TRPV6: variants seen among roughly 807,000 people sequenced by gnomAD.
The protein encoded by TRPV6 is transient receptor potential cation channel subfamily V member 6.
In TRPV6, 39 loss-of-function variants were observed where a neutral mutation model predicts 79.0. The observed-to-expected ratio is 0.49, with a 90% CI of 0.38 to 0.64. The LOEUF is 0.64. TRPV6 is among the 30% of genes least tolerant of loss of function. The probability of loss-of-function intolerance (pLI) is 0.00; values close to 1 mark genes in which losing one functional copy is unlikely to be tolerated. For missense variants in TRPV6, 813 were observed against 1,011.1 expected (o/e 0.80, Z 2.66); for synonymous variants, 373 against 391.9 (o/e 0.95, Z 0.57).
chr7:142,879,666 C>T (rs1795154801), intron 1 of TRPV6: 1 of 152,292 alleles, frequency 6.6e-6, no homozygotes, highest in Non-Finnish European at 1.5e-5. Flanking sequence ...GCCACCAGGT[C>T]CTGTCAGTTC....
At position 142,885,483 on chromosome 7, in the gene TRPV6, T is replaced by A; in HGVS notation, c.154A>T (p.Ile52Phe). 1 of 1,613,822 alleles carries A rather than the reference T, an allele frequency of 6.2e-7. No individual in the cohort carries two copies. The highest frequency in any genetic ancestry group is 1.1e-5 in the South Asian group (1 of 91,040). The change falls in exon 1 of 15, where the codon ATT becomes TTT. Residue 52 changes from isoleucine to phenylalanine, a missense_variant. Coordinates refer to ENST00000359396, the MANE Select transcript of TRPV6 (RefSeq NM_018646.6). ...CAGAACTTGCTCCATAGGCAGAGAATTAGCCCTTTCTCCTTGGGCAGTGAC... is the reference window on the plus strand; with the variant it reads ...CAGAACTTGCTCCATAGGCAGAGAAATAGCCCTTTCTCCTTGGGCAGTGAC...
intron 8 of TRPV6, 106 bp downstream of exon 8, chr7:142,875,362 A>C: frequency 7.5e-7 from 1 of 1,333,224 alleles, no homozygotes; most frequent in Non-Finnish European, 1.0e-6. Flanking sequence ...CATATATTTG[A>C]GATTAGAGCA....
chr7:142,872,012 A>C, intron 14 of TRPV6, 23 bp from the exon 15 acceptor site: 2 of 1,559,032 alleles, frequency 1.3e-6, no homozygotes, highest in Non-Finnish European at 1.7e-6. Flanking sequence ...GGAGGACTTG[A>C]GACACAGCCA....
Position 142,873,601 on chromosome 7 carries a change from G to A in TRPV6, c.1755C>T (p.Ala585=). 1 of 1,614,226 alleles carries A rather than the reference G, an allele frequency of 6.2e-7. No individual in the cohort carries two copies. The highest frequency in any genetic ancestry group is 8.5e-7 in the Non-Finnish European group (1 of 1,180,040). The change falls in exon 13 of 15, where the codon GCC becomes GCT. Residue 585 remains alanine, a synonymous_variant. Transcript: ENST00000359396. The surrounding 1 kb of genome is among the most constrained non-coding windows in gnomAD (Gnocchi z 4.8). ...TGAAGGGCAGGTCCACGTTGTAGTT[G>A]GCTGGGCCATCGATGATGGTAAGGA...
rs149551206 is a variant in TRPV6 at position 142,876,525 on chromosome 7, C to T, written c.765G>A (p.Met255Ile). ...TGTCGTAGGACAGCAACAGGTTGTA[C>T]ATCTGGCAGGCAAAGGTTTTGTTGG... The change falls in exon 6 of 15, where the codon ATG (methionine) becomes ATA (isoleucine). Residue 255 changes from methionine to isoleucine, a missense_variant. Transcript: ENST00000359396. 3.7e-6 allele frequency: 6 copies of T among 1,614,060 alleles called. No individual in the cohort carries two copies. Among genetic ancestry groups the T allele is most frequent in the African/African-American group, 1.3e-5 (1 of 74,898 alleles).
rs140558690 is a variant in TRPV6, at chr7:142,876,449, G to T, written c.841C>A (p.Leu281Ile). 1 of 1,614,072 alleles carries T rather than the reference G, an allele frequency of 6.2e-7. No individual in the cohort carries two copies. Among genetic ancestry groups the T allele is most frequent in the Non-Finnish European group, 8.5e-7 (1 of 1,180,032 alleles). ...ACTCCAGCCAGCTTGAAAGGGGTGA[G>T]ACCCTGGTGATTGGGCACGAGGTCC... Residue 281 changes from leucine (L) to isoleucine (I), a missense_variant, in exon 6 of 15, where the codon CTC (leucine) becomes ATC (isoleucine). Physicochemically the swap from Leu to Ile is conservative, Grantham distance 5. Coordinates refer to ENST00000359396, the MANE Select transcript of TRPV6 (RefSeq NM_018646.6).
rs753833631 is a variant in TRPV6, at chr7:142,872,373, G to A, written c.2014C>T (p.Arg672Trp). The stretch of plus-strand genomic sequence containing the variant: ...CACCTACCCCCGCATATCACTCACC[G>A]CAGGAACCAGCGGTCTCCCAGGCCA... Residue 672 changes from arginine to tryptophan, a missense_variant and splice_region_variant, in exon 14 of 15, where the codon CGG (arginine) becomes TGG (tryptophan). Arg to Trp is a moderately radical substitution (Grantham distance 101). This residue lies in a region of TRPV6 where 164 missense variants were observed against 186.1 expected (regional missense o/e 0.88). Coordinates refer to ENST00000359396, the MANE Select transcript of TRPV6 (RefSeq NM_018646.6). 16 of 1,614,096 alleles carry A rather than the reference G, an allele frequency of 9.9e-6. No individual in the cohort carries two copies. Among genetic ancestry groups the A allele is most frequent in the East Asian group, 2.2e-5 (1 of 44,882 alleles).
chr7:142,885,502 C>T lies in TRPV6; in HGVS notation c.135G>A (p.Leu45=). The T allele has an allele frequency of 1.9e-6, 3 of 1,612,546 alleles. No individual in the cohort carries two copies. Among genetic ancestry groups the T allele is most frequent in the Non-Finnish European group, 2.5e-6 (3 of 1,179,144 alleles). ...AGAGAATTAGCCCTTTCTCCTTGGG[C>T]AGTGACAAACCCATGGGGTGTAGGG... is the stretch of plus-strand genomic sequence containing the variant. Residue 45 remains leucine (L), a synonymous_variant, in exon 1 of 15, where the codon CTG becomes CTA. Coordinates refer to ENST00000359396, the MANE Select transcript of TRPV6 (RefSeq NM_018646.6).
Position 142,877,217 on chromosome 7 carries a change from C to G in TRPV6, c.532G>C (p.Ala178Pro). The G allele has an allele frequency of 6.2e-7, 1 of 1,614,222 alleles. No individual in the cohort carries two copies. The highest frequency in any genetic ancestry group is 8.5e-7 in the Non-Finnish European group (1 of 1,180,022). Reference sequence around the variant, plus strand: ...CTGGCAGAGACACTGGCCCTGCGGGCAAGCAGGGCTCGCACCAGGTTCATG... The same window carrying G: ...CTGGCAGAGACACTGGCCCTGCGGGGAAGCAGGGCTCGCACCAGGTTCATG... Residue 178 changes from alanine to proline, a missense_variant, in exon 4 of 15, where the codon GCC (alanine) becomes CCC (proline). Physicochemically the swap from Ala to Pro is conservative, Grantham distance 27. Transcript: ENST00000359396.
At chr7:142,880,079 G>C (rs1795162045) in intron 1 of TRPV6, 1 of 152,256 alleles carries the variant, frequency 6.6e-6, no homozygotes, top group African/African-American at 2.4e-5. Flanking sequence ...GCCAAAAGGT[G>C]GTTTGAATTA....
rs755916513 is a variant in TRPV6, at chr7:142,874,616, G to A, written c.1447C>T (p.Arg483Trp). The A allele has an allele frequency of 7.4e-6, 12 of 1,613,908 alleles. No homozygotes were observed. The highest frequency in any genetic ancestry group is 2.7e-5 in the African/African-American group (2 of 74,900). ...ACCTCCCCGCTGGCACTGATGAGCC[G>A]CATCACCATGGTCACCAGCACCATG... The change falls in exon 11 of 15, where the codon CGG becomes TGG. Residue 483 changes from arginine to tryptophan, a missense_variant. By Grantham distance (101) the Arg-to-Trp change is moderately radical. This residue lies in a region of TRPV6 where 555 missense variants were observed against 631.0 expected (regional missense o/e 0.88). Coordinates refer to ENST00000359396, the MANE Select transcript of TRPV6 (RefSeq NM_018646.6).
At position 142,885,595 on chromosome 7, in the gene TRPV6, C is replaced by A. The variant is rs574517185; in HGVS notation, c.42G>T (p.Gly14=). ...GACTCAGCCTTGGGGCCACATCAGC[C>A]CCCCCAAGGGCCGGCCCACCGTCTC... The change falls in exon 1 of 15, where the codon GGG becomes GGT. Residue 14 remains glycine, a synonymous_variant. Coordinates refer to ENST00000359396, the MANE Select transcript of TRPV6 (RefSeq NM_018646.6). The A allele has an allele frequency of 4.7e-5, 70 of 1,495,150 alleles. No homozygotes were observed. Among genetic ancestry groups the A allele is most frequent in the South Asian group, 5.5e-5 (4 of 72,812 alleles). The allele number at this position is 1,495,150 out of a possible 1,614,324, so 92.6% of individuals were successfully genotyped here.
rs954320866 is a variant in TRPV6 at position 142,873,999 on chromosome 7, G to A, written c.1639+77C>T. The A allele has an allele frequency of 5.9e-5, 90 of 1,512,828 alleles. No individual in the cohort carries two copies. Among genetic ancestry groups the A allele is most frequent in the Non-Finnish European group, 7.9e-5 (87 of 1,102,682 alleles). 93.7% of individuals were successfully genotyped at this position (1,512,828 alleles called of 1,614,324 possible). The stretch of plus-strand genomic sequence containing the variant: ...TCTCTGCATTACTCCTCCTCCCCAA[G>A]TTTAGCCAGAGCCAGTGCCCCCTAG... On this transcript the variant is annotated intron_variant, in intron 12 of 14. Transcript: ENST00000359396. This position sits in a 1 kb window ranked among gnomAD's most constrained non-coding sequence, Gnocchi z 4.8.
intron 11 of TRPV6, 77 bp downstream of exon 11, chr7:142,874,414 T>C (rs1352734915): frequency 1.3e-6 from 2 of 1,561,264 alleles, no homozygotes; most frequent in Non-Finnish European, 1.8e-6. Context: ...CAATGTCTAC[T>C]GTTCTGCCCT....
Position 142,885,593 on chromosome 7 carries a change from G to GC in TRPV6, c.43dup (p.Ala15GlyfsTer2), listed in dbSNP as rs1795289985. ...GGGACTCAGCCTTGGGGCCACATCA[G>GC]CCCCCCCAAGGGCCGGCCCACCGTC... On this transcript the variant is annotated frameshift_variant, in exon 1 of 15. Transcript: ENST00000359396. LOFTEE classifies it high-confidence loss of function. 1.1e-5 allele frequency: 17 copies of GC among 1,495,394 alleles called. No homozygotes were observed. The highest frequency in any genetic ancestry group is 6.9e-5 in the Admixed American group (3 of 43,744). The allele number at this position is 1,495,394 out of a possible 1,614,324, so 92.6% of individuals were successfully genotyped here.
In TRPV6 at chr7:142,875,857, A is replaced by G. The variant is rs771219130; in HGVS notation, c.930T>C (p.Tyr310=). The G allele has an allele frequency of 1.9e-6, 3 of 1,607,864 alleles. No homozygotes were observed. Among genetic ancestry groups the G allele is most frequent in the African/African-American group, 1.3e-5 (1 of 74,656 alleles). The change falls in exon 7 of 15, where the codon TAT becomes TAC. Residue 310 remains tyrosine, a synonymous_variant. Transcript: ENST00000359396. ...CATAGAGAGTCGAGGTCAGTGGTCC[A>G]TACGTCCACTGGGTGTGCTTCCGCT...
In TRPV6 at chr7:142,875,677, G is replaced by A. The variant is rs775866936; in HGVS notation, c.1033C>T (p.Arg345Cys). ...ACCGGCGTCTGGTCCAGGATCTGGC[G>A]AGCCTGCAACAGAAAGAGAACAGGT... The change falls in exon 8 of 15, where the codon CGC becomes TGC. Residue 345 changes from arginine to cysteine, a missense_variant. Arg to Cys is a radical substitution (Grantham distance 180). Coordinates refer to ENST00000359396, the MANE Select transcript of TRPV6 (RefSeq NM_018646.6). 2.5e-6 allele frequency: 4 copies of A among 1,611,352 alleles called. No homozygotes were observed. The highest frequency in any genetic ancestry group is 1.1e-5 in the South Asian group (1 of 90,598).
chr7:142,875,438 C>T, intron 8 of TRPV6, 30 bp downstream of exon 8: 1 of 1,535,738 alleles, frequency 6.5e-7, no homozygotes, highest in Non-Finnish European at 8.7e-7. Flanking sequence ...CAAGTCCTGC[C>T]CTGCTGATCT....
At position 142,875,077 on chromosome 7, in the gene TRPV6, C is replaced by T. The variant is rs2116513101; in HGVS notation, c.1329+1G>A. The stretch of plus-strand genomic sequence containing the variant: ...TCACCCAGAGTCCATCCACACCTCA[C>T]CTCTACCAGCAGGATGATGATAGCC... On this transcript the variant is annotated splice_donor_variant, in intron 9 of 14. Coordinates refer to ENST00000359396, the MANE Select transcript of TRPV6 (RefSeq NM_018646.6). LOFTEE classifies it high-confidence loss of function. 7 of 1,614,154 alleles carry T rather than the reference C, an allele frequency of 4.3e-6. No homozygotes were observed. The highest frequency in any genetic ancestry group is 5.9e-6 in the Non-Finnish European group (7 of 1,180,036).
Sources: gnomAD v4.1 joint callset for allele counts on GRCh38, gnomAD v4.1.1 for gene constraint, gnomAD v4.1.1 regional missense constraint, Gnocchi (gnomAD v3.1) non-coding constraint, MANE v1.5 for transcripts, NCBI Gene and HGNC (gene_info 2026-07-23, HGNC 2026-07-21) for gene names.